Variants in LRRC28 observed in about 807,000 individuals in gnomAD.
The protein encoded by LRRC28 is leucine-rich repeat-containing protein 28.
In LRRC28, 39 loss-of-function variants were observed where a neutral mutation model predicts 45.7. That is an observed-to-expected ratio of 0.85 (90% CI 0.66 to 1.12). LRRC28 has a LOEUF of 1.12. LRRC28 is among the 50% of genes most tolerant of loss of function. The pLI, the probability that LRRC28 is intolerant of heterozygous loss-of-function variation, is 0.00. For missense variants in LRRC28, 435 were observed against 438.5 expected, an observed-to-expected ratio of 0.99 and a Z score of 0.07; for synonymous variants, 206 against 178.8, an observed-to-expected ratio of 1.15 and a Z score of -1.22.
intron 9 of LRRC28, among the ~76,000 whole-genome samples, chr15:99,376,695 T>TC (rs1161906253): frequency 1.3e-5 from 2 of 151,878 alleles, no homozygotes; most frequent in Non-Finnish European, 2.9e-5. Flanking sequence ...CCCTCCCACT[T>TC]CCCCCCACCC....
At chr15:99,346,087 T>C (rs1956672469) in intron 6 of LRRC28, among the ~76,000 whole-genome samples, 1 of 152,216 alleles carries the variant, frequency 6.6e-6, no homozygotes, top group South Asian at 2.1e-4. Context: ...GCTCAAGTGA[T>C]CCTCCTGCCT....
chr15:99,346,228 G>A (rs868416082), intron 6 of LRRC28, among the ~76,000 whole-genome samples: 8 of 152,084 alleles, frequency 5.3e-5, no homozygotes, highest in Non-Finnish European at 1.0e-4. Context: ...CCAGGCTAGC[G>A]TGCAGTGGTG....
At chr15:99,275,389 C>A (rs1461031331) in intron 2 of LRRC28, among the ~76,000 whole-genome samples, 1 of 152,222 alleles carries the variant, frequency 6.6e-6, no homozygotes, top group Non-Finnish European at 1.5e-5. Context: ...ATGTCTGGAC[C>A]TGTGGCCAGG....
intron 1 of LRRC28, among the ~76,000 whole-genome samples, chr15:99,252,946 C>T (rs2080891120): frequency 6.6e-6 from 1 of 152,144 alleles, no homozygotes; most frequent in African/African-American, 2.4e-5. Context: ...TCCCTGCCCT[C>T]AGGATTTCTA....
intron 2 of LRRC28, among the ~76,000 whole-genome samples, chr15:99,265,894 C>G (rs372605514): frequency 1.3e-5 from 2 of 152,210 alleles, no homozygotes; most frequent in Admixed American, 6.5e-5. Flanking sequence ...AACTGCTTTT[C>G]TTAATGGTAA....
At chr15:99,301,842 T>C (rs1954981010) in intron 5 of LRRC28, among the ~76,000 whole-genome samples, 1 of 152,158 alleles carries the variant, frequency 6.6e-6, no homozygotes, top group South Asian at 2.1e-4. Context: ...AATTATGATA[T>C]ATAATGGTAT....
intron 5 of LRRC28, among the ~76,000 whole-genome samples, chr15:99,299,502 A>T (rs1429334097): frequency 6.6e-6 from 1 of 152,234 alleles, no homozygotes; most frequent in African/African-American, 2.4e-5. Flanking sequence ...TTTAATATAC[A>T]GAATGTTTTA....
intron 7 of LRRC28, among the ~76,000 whole-genome samples, chr15:99,355,175 T>G (rs59126655): frequency 6.6e-6 from 1 of 152,252 alleles, no homozygotes; most frequent in Admixed American, 6.5e-5. Flanking sequence ...TATTCTATGT[T>G]TATTTGTCAA....
At chr15:99,272,173 C>T (rs2081499502) in intron 2 of LRRC28, among the ~76,000 whole-genome samples, 1 of 152,136 alleles carries the variant, frequency 6.6e-6, no homozygotes, top group Non-Finnish European at 1.5e-5. Flanking sequence ...TTGTTAGAAG[C>T]CAGGATGGAG....
intron 6 of LRRC28, among the ~76,000 whole-genome samples, chr15:99,334,696 G>A (rs1285395362): frequency 1.3e-5 from 2 of 152,050 alleles, no homozygotes; most frequent in African/African-American, 4.8e-5. Context: ...ATATGTCATA[G>A]TACATAGGCC....
chr15:99,294,842 T>C (rs1257336595), intron 5 of LRRC28, among the ~76,000 whole-genome samples: 1 of 152,218 alleles, frequency 6.6e-6, no homozygotes, highest in Non-Finnish European at 1.5e-5. Flanking sequence ...TTTTCATCTT[T>C]GGTGCCCTGT....
rs190379999 is a variant in LRRC28, at chr15:99,292,921, G to A, written c.385+4970G>A. Reference sequence around the variant, plus strand: ...TATTCAGCTTGTTTTAGTTGTTAGGGTGAGAGTGATGATCTCTTTGGAGTT... The same window carrying A: ...TATTCAGCTTGTTTTAGTTGTTAGGATGAGAGTGATGATCTCTTTGGAGTT... On this transcript the variant is annotated intron_variant, in intron 5 of 9. Coordinates refer to ENST00000301981, the MANE Select transcript of LRRC28 (RefSeq NM_144598.5). Among the ~76,000 whole-genome samples, 28 of 152,294 alleles carry A rather than the reference G, an allele frequency of 1.8e-4. No individual in the cohort carries two copies. The East Asian group carries it at 5.4e-3, about 29-fold the overall frequency.
At chr15:99,366,700 A>G (rs1316508116) in intron 9 of LRRC28, among the ~76,000 whole-genome samples, 2 of 152,038 alleles carry the variant, frequency 1.3e-5, no homozygotes, top group Non-Finnish European at 2.9e-5. Flanking sequence ...ATTATCTCCC[A>G]AAGACCTCCT....
chr15:99,262,859 A>G (rs543120856), intron 2 of LRRC28, among the ~76,000 whole-genome samples: 1 of 151,264 alleles, frequency 6.6e-6, no homozygotes, highest in African/African-American at 2.4e-5. Context: ...TGTGTTGCCC[A>G]GGCTGGTCTC....
chr15:99,347,429 G>C (rs939735642), intron 6 of LRRC28, among the ~76,000 whole-genome samples: 6 of 152,172 alleles, frequency 3.9e-5, no homozygotes, highest in African/African-American at 7.2e-5. Flanking sequence ...GGATGGTCTT[G>C]ATCTCCTGAC....
chr15:99,307,734 T>C (rs545270085), intron 5 of LRRC28, among the ~76,000 whole-genome samples: 1 of 152,344 alleles, frequency 6.6e-6, no homozygotes, highest in African/African-American at 2.4e-5. Context: ...TTTGTTTTCC[T>C]GACTTCCAAC....
chr15:99,358,342 TA>T (rs1356426793), intron 7 of LRRC28, among the ~76,000 whole-genome samples: 1 of 152,166 alleles, frequency 6.6e-6, no homozygotes, highest in Non-Finnish European at 1.5e-5. Flanking sequence ...TGTTTGCAAA[TA>T]AGGAAATTTA....
At chr15:99,272,672 G>A (rs1204285669) in intron 2 of LRRC28, among the ~76,000 whole-genome samples, 1 of 152,146 alleles carries the variant, frequency 6.6e-6, no homozygotes, top group Non-Finnish European at 1.5e-5. Context: ...TTTCATTATT[G>A]TAAAGAAAAG....
intron 2 of LRRC28, among the ~76,000 whole-genome samples, chr15:99,274,999 A>C (rs1034412624): frequency 4.7e-5 from 7 of 150,184 alleles, no homozygotes; most frequent in African/African-American, 1.7e-4. Flanking sequence ...AGTAGCTTGA[A>C]TGTAAATGAA....
Sources: allele counts gnomAD v4.1 joint callset (sites outside exome capture counted in the v4.1 genomes callset), GRCh38; gene constraint gnomAD v4.1.1; transcripts MANE v1.5; gene names NCBI Gene and HGNC (gene_info 2026-07-23, HGNC 2026-07-21).